OSBPL5: variants seen among roughly 807,000 people sequenced by gnomAD.
OSBPL5 encodes the protein oxysterol-binding protein-related protein 5.
Under a neutral mutation model 111.2 loss-of-function variants are expected in OSBPL5, and 71 were observed. That is an observed-to-expected ratio of 0.64 (90% CI 0.53 to 0.78). The LOEUF (loss-of-function observed/expected upper bound fraction) is 0.78, where lower values mean the gene tolerates loss of function less well. OSBPL5 is among the 30% of genes least tolerant of loss of function. The pLI is 0.00. For synonymous variants in OSBPL5, 549 were observed against 513.9 expected (o/e 1.07, Z -0.93); for missense variants, 1,210 against 1,189.3 (o/e 1.02, Z -0.26).
intron 7 of OSBPL5, among the ~76,000 whole-genome samples, chr11:3,116,232 A>G (rs1858203528): frequency 6.6e-6 from 1 of 152,224 alleles, no homozygotes; most frequent in Non-Finnish European, 1.5e-5. Context: ...ATGACCTAAT[A>G]TACATTATCA....
chr11:3,103,410 C>G, intron 10 of OSBPL5, 90 bp from the exon 11 acceptor site: 4 of 1,190,664 alleles, frequency 3.4e-6, no homozygotes, highest in South Asian at 1.4e-5. Flanking sequence ...CCATCCCGAC[C>G]TCCAACCACT....
chr11:3,123,424 T>A (rs1858492251), intron 3 of OSBPL5, among the ~76,000 whole-genome samples: 1 of 152,240 alleles, frequency 6.6e-6, no homozygotes, highest in South Asian at 2.1e-4. Context: ...AGTCCATAAA[T>A]AAGGTTTTCT....
chr11:3,164,656 C>G (rs1001060234), intron 1 of OSBPL5, among the ~76,000 whole-genome samples: 1 of 152,202 alleles, frequency 6.6e-6, no homozygotes, highest in Non-Finnish European at 1.5e-5. Context: ...AGGTCCTTCC[C>G]TAGCCTGTAA....
chr11:3,116,882 A>G (rs1858231996), intron 7 of OSBPL5, among the ~76,000 whole-genome samples: 1 of 150,690 alleles, frequency 6.6e-6, no homozygotes, highest in African/African-American at 2.4e-5. Flanking sequence ...AGAAGTGTGA[A>G]GTAATCTTTT....
At chr11:3,115,089 T>A (rs1858164876) in intron 7 of OSBPL5, among the ~76,000 whole-genome samples, 1 of 152,200 alleles carries the variant, frequency 6.6e-6, no homozygotes, top group Admixed American at 6.5e-5. Context: ...GTTTTCCTCC[T>A]CAGGTTCTGT....
intron 2 of OSBPL5, among the ~76,000 whole-genome samples, chr11:3,127,399 C>A (rs532218150): frequency 6.6e-6 from 1 of 152,366 alleles, no homozygotes; most frequent in African/African-American, 2.4e-5. Flanking sequence ...GGGTCTATAG[C>A]CGTCCTTCCC....
At chr11:3,133,142 C>T (rs541823633) in intron 1 of OSBPL5, among the ~76,000 whole-genome samples, 7 of 152,368 alleles carry the variant, frequency 4.6e-5, no homozygotes, top group East Asian at 1.9e-4. Context: ...CCACTCCAGG[C>T]GTTGCCTAAG....
At chr11:3,111,961 GTGTGTGTGCATA>G (rs1220928761) in intron 7 of OSBPL5, among the ~76,000 whole-genome samples, 1 of 148,898 alleles carries the variant, frequency 6.7e-6, no homozygotes, top group Non-Finnish European at 1.5e-5. Flanking sequence ...AGCTGTGTGT[GTGTGTGTGCATA>G]TGTGTGCGCG....
chr11:3,088,060 T>C lies in OSBPL5; in HGVS notation c.*145A>G. The C allele has an allele frequency of 1.1e-5, 8 of 743,368 alleles. No individual in the cohort carries two copies. The highest frequency in any genetic ancestry group is 1.6e-5 in the Non-Finnish European group (8 of 501,200). The allele number at this position is 743,368 out of a possible 1,614,324, so 46.0% of individuals were successfully genotyped here. Reference sequence around the variant, plus strand: ...GCACACCTGGGCCCGCAGCGCCTTGTGGCCCCGGGTCCCTCCTGCGCCTGG... The same window carrying C: ...GCACACCTGGGCCCGCAGCGCCTTGCGGCCCCGGGTCCCTCCTGCGCCTGG... On this transcript the variant is annotated 3_prime_UTR_variant, in exon 22 of 22. Transcript: ENST00000263650.
chr11:3,119,516 TG>T, intron 7 of OSBPL5, 30 bp downstream of exon 7: 1 of 1,556,808 alleles, frequency 6.4e-7, no homozygotes. Flanking sequence ...GTGGGGGCAC[TG>T]GGGAGATGCG....
In OSBPL5 at chr11:3,107,524, C is replaced by T; in HGVS notation, c.867-69G>A. ...GCCCAGCACAGCCCTCTGGGCTGCC[C>T]ACCCCTCGCTGCTCCGCACTTCACA... On this transcript the variant is annotated intron_variant, in intron 8 of 21. Transcript: ENST00000263650. The surrounding 1 kb of genome is among the most constrained non-coding windows in gnomAD (Gnocchi z 6.1). 1.3e-6 allele frequency: 2 copies of T among 1,545,010 alleles called. No individual in the cohort carries two copies. Among genetic ancestry groups the T allele is most frequent in the Non-Finnish European group, 1.8e-6 (2 of 1,125,940 alleles).
At chr11:3,119,063 G>A (rs893393982) in intron 7 of OSBPL5, among the ~76,000 whole-genome samples, 1 of 151,314 alleles carries the variant, frequency 6.6e-6, no homozygotes. Context: ...AGGCTGGAGT[G>A]CAATGGCACC....
rs1846683600 is a variant in OSBPL5 at position 3,154,286 on chromosome 11, G to A, written c.-22+10930C>T. Among the ~76,000 whole-genome samples, 1 of 152,242 alleles carries A rather than the reference G, an allele frequency of 6.6e-6. No homozygotes were observed. The highest frequency in any genetic ancestry group is 2.4e-5 in the African/African-American group (1 of 41,462). ...TGCAGCACCTGCCAGTAGGTAGCAGGATGTGTCGTAGAGGGCTTGCTGACC... is the reference window on the plus strand; with the variant it reads ...TGCAGCACCTGCCAGTAGGTAGCAGAATGTGTCGTAGAGGGCTTGCTGACC... On this transcript the variant is annotated intron_variant, in intron 1 of 21. Transcript: ENST00000263650. The surrounding 1 kb of genome is among the most constrained non-coding windows in gnomAD (Gnocchi z 4.9).
intron 1 of OSBPL5, among the ~76,000 whole-genome samples, chr11:3,134,917 A>G (rs1415521025): frequency 3.3e-5 from 5 of 152,108 alleles, no homozygotes; most frequent in Admixed American, 1.3e-4. Context: ...AGAGCTGACA[A>G]TCCCACTTGT....
At chr11:3,102,134 G>T in intron 12 of OSBPL5, 49 bp downstream of exon 12, 1 of 1,156,948 alleles carries the variant, frequency 8.6e-7, no homozygotes, top group South Asian at 1.3e-5. Flanking sequence ...ACAGAGCCCC[G>T]CCCCATAGAG....
At chr11:3,099,754 A>G (rs1009553967) in intron 14 of OSBPL5, among the ~76,000 whole-genome samples, 3 of 152,142 alleles carry the variant, frequency 2.0e-5, no homozygotes, top group East Asian at 1.9e-4. Context: ...TAGCATCTAC[A>G]TGGAATTACC....
rs899337200 is a variant in OSBPL5 at position 3,160,015 on chromosome 11, A to G, written c.-22+5201T>C. Among the ~76,000 whole-genome samples, 16 of 152,242 alleles carry G rather than the reference A, an allele frequency of 1.1e-4. 1 individual carries two copies. The highest frequency in any genetic ancestry group is 3.4e-4 in the African/African-American group (14 of 41,542). On this transcript the variant is annotated intron_variant, in intron 1 of 21. Transcript: ENST00000263650. ...GGCGGTGCCTGCCACCATCACCACC[A>G]TCAATCTCTTAGGCCCAGCCCCCTC...
intron 1 of OSBPL5, among the ~76,000 whole-genome samples, chr11:3,137,960 G>A (rs1489531385): frequency 2.6e-5 from 4 of 152,236 alleles, no homozygotes; most frequent in African/African-American, 9.6e-5. Flanking sequence ...GGGAGGCCAG[G>A]CCTCCCTCTG....
At chr11:3,093,122 G>A in intron 17 of OSBPL5, 70 bp from the exon 18 acceptor site, 2 of 1,416,838 alleles carry the variant, frequency 1.4e-6, no homozygotes, top group Non-Finnish European at 1.9e-6. Context: ...AGGAATCAGG[G>A]CCCCTTGGCA....
Sources: gnomAD v4.1 joint callset for allele counts (sites outside exome capture counted in the v4.1 genomes callset) on GRCh38, gnomAD v4.1.1 for gene constraint, Gnocchi (gnomAD v3.1) non-coding constraint, MANE v1.5 for transcripts, NCBI Gene and HGNC (gene_info 2026-07-23, HGNC 2026-07-21) for gene names.